The following KIF21A variants were observed in gnomAD, a reference collection of about 807,000 sequenced individuals.
KIF21A encodes kinesin family member 21A.
Under a neutral mutation model 202.9 loss-of-function variants are expected in KIF21A, and 114 were observed. The observed-to-expected ratio is 0.56, with a 90% CI of 0.48 to 0.66. KIF21A has a LOEUF of 0.66. KIF21A is among the 30% of genes least tolerant of loss of function. KIF21A has a pLI of 0.00. For synonymous variants in KIF21A, 667 were observed against 670.8 expected (o/e 0.99, Z 0.09); for missense variants, 1,677 against 1,994.9 (o/e 0.84, Z 3.04).
chr12:39,434,597 A>G (rs1033465755), intron 1 of KIF21A, among the ~76,000 whole-genome samples: 20 of 152,230 alleles, frequency 1.3e-4, no homozygotes, highest in Non-Finnish European at 1.3e-4. Context: ...AAACCAAAAC[A>G]GTTTTCTAAC....
At chr12:39,333,303 T>G in intron 17 of KIF21A, 23 bp from the exon 18 acceptor site, 1 of 1,448,796 alleles carries the variant, frequency 6.9e-7, no homozygotes, top group Non-Finnish European at 9.7e-7. Context: ...ATTAAATAAG[T>G]GGAAATAGTA....
rs747264491 is a variant in KIF21A at position 39,307,634 on chromosome 12, G to A, written c.4373C>T (p.Ala1458Val). Residue 1458 changes from alanine to valine, a missense_variant, in exon 34 of 38, where the codon GCC becomes GTC. Physicochemically the swap from Ala to Val is moderately conservative, Grantham distance 64. This residue lies in a region of KIF21A where 705 missense variants were observed against 791.9 expected (regional missense o/e 0.89). Transcript: ENST00000361418. ...GAGGAAGGTGCCAGTTGGGTTTAGG[G>A]CAATTTGATTGATCTGGTTCTCTCC... ...PSGENQINQI[A>V]LNPTGTFLYA... 4.8e-5 allele frequency: 77 copies of A among 1,614,018 alleles called. No individual in the cohort carries two copies. The highest frequency in any genetic ancestry group is 6.4e-5 in the Non-Finnish European group (76 of 1,179,902).
chr12:39,420,878 A>T (rs1036985766), intron 1 of KIF21A, among the ~76,000 whole-genome samples: 1 of 152,184 alleles, frequency 6.6e-6, no homozygotes, highest in Non-Finnish European at 1.5e-5. Context: ...CAAACCAGTT[A>T]TACAGTCTTC....
chr12:39,344,683 A>C (rs908363956), intron 12 of KIF21A, among the ~76,000 whole-genome samples: 2 of 152,208 alleles, frequency 1.3e-5, no homozygotes, highest in Non-Finnish European at 2.9e-5. Flanking sequence ...CAGCAGTCAT[A>C]ACTTTACATT....
chr12:39,404,567 A>C (rs1952436547), intron 1 of KIF21A, among the ~76,000 whole-genome samples: 1 of 152,182 alleles, frequency 6.6e-6, no homozygotes, highest in Non-Finnish European at 1.5e-5. Flanking sequence ...ATACAGTAAG[A>C]ATTTGGGGAC....
At chr12:39,351,647 T>C (rs1008387867) in intron 11 of KIF21A, 130 bp downstream of exon 11, 21 of 618,990 alleles carry the variant, frequency 3.4e-5, no homozygotes, top group Admixed American at 1.2e-4. Flanking sequence ...TAGTTGTAGT[T>C]TCAGCTAACA....
At chr12:39,362,508 A>AT (rs1320114251) in intron 7 of KIF21A, among the ~76,000 whole-genome samples, 1 of 152,154 alleles carries the variant, frequency 6.6e-6, no homozygotes, top group Non-Finnish European at 1.5e-5. Context: ...TAAAAAAAAA[A>AT]GCTGAAAAAA....
intron 26 of KIF21A, among the ~76,000 whole-genome samples, chr12:39,325,158 C>A (rs1332578705): frequency 6.6e-6 from 1 of 152,126 alleles, no homozygotes; most frequent in African/African-American, 2.4e-5. Flanking sequence ...CACTTAAGAA[C>A]ACACTAGAAT....
chr12:39,434,409 C>T (rs374852104), intron 1 of KIF21A, among the ~76,000 whole-genome samples: 6 of 152,184 alleles, frequency 3.9e-5, no homozygotes, highest in African/African-American at 7.2e-5. Context: ...CATGATCTTT[C>T]GGAGGGACAC....
intron 1 of KIF21A, among the ~76,000 whole-genome samples, chr12:39,400,307 G>A (rs771874490): frequency 6.6e-6 from 1 of 152,104 alleles, no homozygotes; most frequent in African/African-American, 2.4e-5. Context: ...ACATTCCGGG[G>A]TACATGTGCA....
chr12:39,303,243 G>A, intron 35 of KIF21A, 108 bp from the exon 36 acceptor site: 2 of 882,898 alleles, frequency 2.3e-6, no homozygotes, highest in Non-Finnish European at 1.8e-6. Flanking sequence ...GACATGACTT[G>A]TTTTGTTATC....
intron 1 of KIF21A, among the ~76,000 whole-genome samples, chr12:39,417,473 C>T (rs776673130): frequency 1.7e-4 from 26 of 152,024 alleles, no homozygotes; most frequent in Middle Eastern, 3.2e-3. Context: ...ATATATTAGC[C>T]GGCTACTTTT....
intron 30 of KIF21A, 72 bp from the exon 31 acceptor site, chr12:39,315,312 A>G: frequency 1.5e-6 from 2 of 1,332,374 alleles, no homozygotes; most frequent in Non-Finnish European, 2.2e-6. Flanking sequence ...TAAAATGATA[A>G]TGGTGAAAGG....
At chr12:39,415,202 A>G (rs1342315423) in intron 1 of KIF21A, among the ~76,000 whole-genome samples, 1 of 146,964 alleles carries the variant, frequency 6.8e-6, no homozygotes, top group Non-Finnish European at 1.5e-5. Flanking sequence ...TCAGGACGGA[A>G]ATTTTTTTAA....
chr12:39,368,642 C>G (rs889213007), intron 3 of KIF21A, among the ~76,000 whole-genome samples: 12 of 151,866 alleles, frequency 7.9e-5, no homozygotes, highest in Admixed American at 7.9e-4. Context: ...AACACTGTTT[C>G]TTTTCTTTTT....
chr12:39,387,161 TACACACACACACACACACACACAC>T (rs3036323), intron 1 of KIF21A, among the ~76,000 whole-genome samples: 2 of 138,160 alleles, frequency 1.4e-5, no homozygotes, highest in African/African-American at 5.4e-5. Flanking sequence ...ATGCAGTAGT[TACACACACACACACACACACACAC>T]ACACACACAC....
chr12:39,441,191 T>G (rs1939524902), intron 1 of KIF21A, among the ~76,000 whole-genome samples: 1 of 152,090 alleles, frequency 6.6e-6, no homozygotes, highest in Admixed American at 6.6e-5. Context: ...TAAAAAGTCC[T>G]AACATACACA....
chr12:39,435,060 A>T (rs955652754), intron 1 of KIF21A, among the ~76,000 whole-genome samples: 2 of 152,214 alleles, frequency 1.3e-5, no homozygotes, highest in East Asian at 3.9e-4. Context: ...CTTACTACAC[A>T]CTAAGATACC....
At chr12:39,441,821 T>G (rs910361885) in intron 1 of KIF21A, among the ~76,000 whole-genome samples, 3 of 152,110 alleles carry the variant, frequency 2.0e-5, no homozygotes, top group Non-Finnish European at 4.4e-5. Context: ...AGAATAATTT[T>G]CTGGAAAGAC....
Sources: gnomAD v4.1 joint callset for allele counts (sites outside exome capture counted in the v4.1 genomes callset) on GRCh38, gnomAD v4.1.1 for gene constraint, gnomAD v4.1.1 regional missense constraint, MANE v1.5 for transcripts, NCBI Gene and HGNC (gene_info 2026-07-23, HGNC 2026-07-21) for gene names.